The following TRAPPC9 variants were observed in gnomAD, a reference collection of about 807,000 sequenced individuals.
TRAPPC9 encodes the protein trafficking protein particle complex subunit 9.
Under a neutral mutation model 124.0 loss-of-function variants are expected in TRAPPC9, and 83 were observed. The observed-to-expected ratio is 0.67, with a 90% CI of 0.56 to 0.80. TRAPPC9 has a LOEUF of 0.80. Among genes scored for constraint, TRAPPC9 ranks in the 30% least tolerant of loss-of-function variants. The probability of loss-of-function intolerance (pLI) is 0.00; values close to 1 mark genes in which losing one functional copy is unlikely to be tolerated. For missense variants in TRAPPC9, 1,302 were observed against 1,508.3 expected, an observed-to-expected ratio of 0.86 and a Z score of 2.27; for synonymous variants, 638 against 617.5, an observed-to-expected ratio of 1.03 and a Z score of -0.49.
In TRAPPC9 at chr8:139,739,124, C is replaced by T. The variant is rs114834193; in HGVS notation, c.3056-6922G>A. The stretch of plus-strand genomic sequence containing the variant: ...ACCCTGACATCTCGACCGGGCACCA[C>T]GGGGTCTCACCCTCCACTTTCTCCT... On this transcript the variant is annotated intron_variant, in intron 21 of 22. Coordinates refer to ENST00000438773, the MANE Select transcript of TRAPPC9 (RefSeq NM_001160372.4). Among the ~76,000 whole-genome samples, 1,048 of 152,304 alleles carry T rather than the reference C, an allele frequency of 6.9e-3. 11 individuals are homozygous for T. Among genetic ancestry groups the T allele is most frequent in the African/African-American group, 0.024 (986 of 41,562 alleles).
chr8:139,978,446 A>G (rs1051273829), intron 19 of TRAPPC9, among the ~76,000 whole-genome samples: 1 of 152,242 alleles, frequency 6.6e-6, no homozygotes, highest in African/African-American at 2.4e-5. Context: ...ATAATGAAGT[A>G]TTGTGACATT....
intron 19 of TRAPPC9, among the ~76,000 whole-genome samples, chr8:139,915,138 G>C (rs926436581): frequency 6.7e-6 from 1 of 149,654 alleles, no homozygotes; most frequent in Admixed American, 6.6e-5. Context: ...CCTTTTGGGC[G>C]GGCTCCTGGA....
chr8:140,306,148 C>G (rs1451903616), intron 10 of TRAPPC9, among the ~76,000 whole-genome samples: 1 of 151,954 alleles, frequency 6.6e-6, no homozygotes, highest in Non-Finnish European at 1.5e-5. Context: ...CATGGCATAT[C>G]TTGGGGGAAA....
intron 17 of TRAPPC9, among the ~76,000 whole-genome samples, chr8:140,125,101 C>T (rs112806204): frequency 7.6e-4 from 115 of 152,274 alleles, no homozygotes; most frequent in African/African-American, 2.6e-3. Context: ...CACGGGGCTG[C>T]GAGGGGAAGT....
At chr8:140,041,377 C>CT (rs1329437192) in intron 17 of TRAPPC9, among the ~76,000 whole-genome samples, 1 of 152,232 alleles carries the variant, frequency 6.6e-6, no homozygotes, top group East Asian at 1.9e-4. Context: ...GCAAGGTAAA[C>CT]TAAGAGACTT....
chr8:140,098,770 C>T (rs1006308302), intron 17 of TRAPPC9: 1 of 150,118 alleles, frequency 6.7e-6, no homozygotes, highest in Non-Finnish European at 1.5e-5. Flanking sequence ...CTGCTATGCA[C>T]AAAGTAATGA....
intron 21 of TRAPPC9, among the ~76,000 whole-genome samples, chr8:139,761,367 G>A (rs1402581819): frequency 6.6e-6 from 1 of 152,212 alleles, no homozygotes. Context: ...AGCCGGACAT[G>A]AAGCTTGTTT....
At chr8:140,316,560 T>C (rs1335113334) in intron 9 of TRAPPC9, among the ~76,000 whole-genome samples, 1 of 152,234 alleles carries the variant, frequency 6.6e-6, no homozygotes, top group East Asian at 1.9e-4. Context: ...GTCACATCTA[T>C]GTTCAACCAT....
At chr8:140,184,604 T>C (rs1316681462) in intron 17 of TRAPPC9, among the ~76,000 whole-genome samples, 1 of 152,058 alleles carries the variant, frequency 6.6e-6, no homozygotes, top group Non-Finnish European at 1.5e-5. Flanking sequence ...CCTGACTAAT[T>C]TTTGTTTTGT....
chr8:140,353,684 C>G lies in TRAPPC9; in HGVS notation c.1495+6366G>C, dbSNP rs2067655135. Among the ~76,000 whole-genome samples, 1 of 152,238 alleles carries G rather than the reference C, an allele frequency of 6.6e-6. No individual in the cohort carries two copies. The highest frequency in any genetic ancestry group is 1.5e-5 in the Non-Finnish European group (1 of 68,036). On this transcript the variant is annotated intron_variant, in intron 9 of 22. Transcript: ENST00000438773. This position sits in a 1 kb window ranked among gnomAD's most constrained non-coding sequence, Gnocchi z 4.2. ...TCCATAGGCCACGGTTTGCCAAACC[C>G]TGCTCAAAAGCCTGACCAAAGGCCA...
chr8:140,057,746 G>T (rs1842370918), intron 17 of TRAPPC9, among the ~76,000 whole-genome samples: 1 of 152,214 alleles, frequency 6.6e-6, no homozygotes, highest in Admixed American at 6.5e-5. Context: ...AGTAAGTTTA[G>T]AGATCTGCCA....
At chr8:140,217,669 C>G (rs1488102001) in intron 17 of TRAPPC9, among the ~76,000 whole-genome samples, 1 of 152,154 alleles carries the variant, frequency 6.6e-6, no homozygotes, top group Non-Finnish European at 1.5e-5. Context: ...CCTACCGTAA[C>G]AAGGAACACA....
intron 19 of TRAPPC9, among the ~76,000 whole-genome samples, chr8:139,965,171 C>A (rs1835620640): frequency 6.6e-6 from 1 of 152,188 alleles, no homozygotes; most frequent in Non-Finnish European, 1.5e-5. Context: ...GGATGACGGC[C>A]CATTCATCTG....
intron 17 of TRAPPC9, among the ~76,000 whole-genome samples, chr8:140,115,270 G>GTTT (rs35832271): frequency 2.8e-5 from 4 of 142,528 alleles, no homozygotes; most frequent in African/African-American, 7.6e-5. Flanking sequence ...TGTTATAATG[G>GTTT]TTTTTTTTTT....
At chr8:140,360,754 G>A (rs1401139273) in intron 8 of TRAPPC9, among the ~76,000 whole-genome samples, 2 of 152,122 alleles carry the variant, frequency 1.3e-5, no homozygotes, top group Non-Finnish European at 2.9e-5. Flanking sequence ...TTTTTTAAGA[G>A]ATGAGGTCTT....
intron 21 of TRAPPC9, among the ~76,000 whole-genome samples, chr8:139,744,370 C>T (rs1006925153): frequency 2.6e-5 from 4 of 152,134 alleles, no homozygotes; most frequent in Non-Finnish European, 5.9e-5. Context: ...CCACCCCTTC[C>T]CCGCTTCCAG....
rs1477405839 is a variant in TRAPPC9 at position 139,919,600 on chromosome 8, G to C, written c.2811-9300C>G. ...GCTTTTAGGAAGACATTTTGTGAAG[G>C]TATAAAATGCAAGATAAATATGAGA... On this transcript the variant is annotated intron_variant, in intron 19 of 22. Coordinates refer to ENST00000438773, the MANE Select transcript of TRAPPC9 (RefSeq NM_001160372.4). 2.6e-5 allele frequency among the ~76,000 whole-genome samples: 4 copies of C among 152,128 alleles called. No individual in the cohort carries two copies. The East Asian group carries it at 7.7e-4, about 29-fold the overall frequency.
chr8:139,982,380 G>A (rs996691523), intron 19 of TRAPPC9, among the ~76,000 whole-genome samples: 3 of 152,110 alleles, frequency 2.0e-5, no homozygotes, highest in Non-Finnish European at 4.4e-5. Flanking sequence ...GGTGGGTCTC[G>A]ACCTCTTTTA....
intron 19 of TRAPPC9, among the ~76,000 whole-genome samples, chr8:139,971,345 C>T (rs1836052331): frequency 6.6e-6 from 1 of 152,198 alleles, no homozygotes; most frequent in African/African-American, 2.4e-5. Context: ...CCAGTGTGCT[C>T]CCCCGCCCCC....
Sources: allele counts gnomAD v4.1 joint callset (sites outside exome capture counted in the v4.1 genomes callset), GRCh38; gene constraint gnomAD v4.1.1; non-coding constraint Gnocchi (gnomAD v3.1); transcripts MANE v1.5; gene names NCBI Gene and HGNC (gene_info 2026-07-23, HGNC 2026-07-21).